The following ZFAT variants were observed in gnomAD, a reference collection of about 807,000 sequenced individuals.
The protein encoded by ZFAT is zinc finger protein ZFAT.
Under a neutral mutation model 117.7 loss-of-function variants are expected in ZFAT, and 64 were observed. That is an observed-to-expected ratio of 0.54 (90% CI 0.44 to 0.67). The LOEUF is 0.67. Among genes scored for constraint, ZFAT ranks in the 30% least tolerant of loss-of-function variants. ZFAT has a pLI of 0.00. For missense variants in ZFAT, 1,433 were observed against 1,584.5 expected, an observed-to-expected ratio of 0.90 and a Z score of 1.62; for synonymous variants, 679 against 615.0, an observed-to-expected ratio of 1.10 and a Z score of -1.54.
intron 12 of ZFAT, among the ~76,000 whole-genome samples, chr8:134,521,666 A>G (rs1246603429): frequency 6.6e-6 from 1 of 152,206 alleles, no homozygotes; most frequent in Non-Finnish European, 1.5e-5. Flanking sequence ...GTCACACAAA[A>G]GAATATCTTT....
chr8:134,529,146 G>A (rs997880976), intron 12 of ZFAT, among the ~76,000 whole-genome samples: 1 of 152,110 alleles, frequency 6.6e-6, no homozygotes, highest in Non-Finnish European at 1.5e-5. Flanking sequence ...TCCCGGCCCA[G>A]GTCCATCTGA....
At chr8:134,599,744 G>A in intron 7 of ZFAT, 1 of 455,802 alleles carries the variant, frequency 2.2e-6, no homozygotes, top group Non-Finnish European at 4.4e-6. Flanking sequence ...GGCCAGATGT[G>A]CTTCCTTTAT....
At chr8:134,712,742 G>GGCCGGCGGCCGGC in intron 1 of ZFAT, 103 bp downstream of exon 1, 1 of 1,176,960 alleles carries the variant, frequency 8.5e-7, no homozygotes, top group African/African-American at 1.7e-5. Context: ...GGCGGCCGGC[G>GGCCGGCGGCCGGC]GCCGGCGCAC....
chr8:134,688,876 G>A (rs1833464841), intron 1 of ZFAT, among the ~76,000 whole-genome samples: 1 of 152,164 alleles, frequency 6.6e-6, no homozygotes, highest in Non-Finnish European at 1.5e-5. Context: ...ATTTGTTCAT[G>A]AGACGTGTCC....
the ZFAT span, chr8:134,766,516 C>G: frequency 6.6e-6 from 1 of 152,184 alleles, no homozygotes; most frequent in Admixed American, 6.5e-5. Context: ...CCAAACCTGT[C>G]TGCCTTTCCA....
chr8:134,555,048 C>T lies in ZFAT; in HGVS notation c.2976+10285G>A, dbSNP rs11987655. On this transcript the variant is annotated intron_variant, in intron 11 of 15. Coordinates refer to ENST00000377838, the MANE Select transcript of ZFAT (RefSeq NM_020863.4). ...ACTCAGTATATAGTCATACTCATGG[C>T]TACAATTTATTATAGTAAAAGAATA... 7.4e-3 allele frequency among the ~76,000 whole-genome samples: 1,130 copies of T among 152,252 alleles called. 25 individuals carry two copies. The highest frequency in any genetic ancestry group is 0.026 in the African/African-American group (1,076 of 41,534).
chr8:134,619,473 C>G (rs945846647), intron 3 of ZFAT, among the ~76,000 whole-genome samples: 1 of 152,124 alleles, frequency 6.6e-6, no homozygotes, highest in South Asian at 2.1e-4. Context: ...ACATCTCACA[C>G]AAACAGTCCC....
intron 1 of ZFAT, among the ~76,000 whole-genome samples, chr8:134,684,749 T>C (rs947501375): frequency 2.0e-5 from 3 of 152,218 alleles, no homozygotes; most frequent in African/African-American, 7.2e-5. Context: ...AAAGGCATTC[T>C]TGGCACAAAA....
chr8:134,565,411 A>C lies in ZFAT; in HGVS notation c.2898T>G (p.Phe966Leu). 1.2e-6 allele frequency: 2 copies of C among 1,612,996 alleles called. No individual in the cohort carries two copies. Among genetic ancestry groups the C allele is most frequent in the Non-Finnish European group, 1.7e-6 (2 of 1,179,624 alleles). The change falls in exon 11 of 16, where the codon TTT (phenylalanine) becomes TTG (leucine). Residue 966 changes from phenylalanine to leucine, a missense_variant. Phe to Leu is a conservative substitution (Grantham distance 22, BLOSUM62 0). Coordinates refer to ENST00000377838, the MANE Select transcript of ZFAT (RefSeq NM_020863.4). Reference protein sequence around the residue: ...KLLHTADGKQFKCTVCDYTAA... With the variant: ...KLLHTADGKQLKCTVCDYTAA... ...CTGTGTAGTCACACACCGTGCACTT[A>C]AACTGCTTCCCTGGAAAGAAGCGGA...
chr8:134,527,938 CAG>C (rs1047351582), intron 12 of ZFAT, among the ~76,000 whole-genome samples: 5 of 152,268 alleles, frequency 3.3e-5, no homozygotes, highest in Admixed American at 2.6e-4. Context: ...AAATAGGTTT[CAG>C]AGTCAGTCTT....
At chr8:134,758,285 A>G in the ZFAT span, among the ~76,000 whole-genome samples, 1 of 152,162 alleles carries the variant, frequency 6.6e-6, no homozygotes, top group Non-Finnish European at 1.5e-5. Flanking sequence ...GAGTGCAGGA[A>G]GAGACCAGGA....
At chr8:134,668,043 G>A (rs963172720) in intron 1 of ZFAT, among the ~76,000 whole-genome samples, 10 of 152,138 alleles carry the variant, frequency 6.6e-5, no homozygotes, top group African/African-American at 1.7e-4. Flanking sequence ...ACTGCAAGGC[G>A]GCACTGAGGC....
At chr8:134,629,697 C>G (rs1427797315) in intron 3 of ZFAT, among the ~76,000 whole-genome samples, 1 of 152,194 alleles carries the variant, frequency 6.6e-6, no homozygotes, top group Non-Finnish European at 1.5e-5. Flanking sequence ...TCCTTGCTTC[C>G]CCTTCAACTT....
chr8:134,578,267 T>C (rs4909296), intron 10 of ZFAT, among the ~76,000 whole-genome samples: 89,694 of 151,334 alleles, frequency 0.59, 27,355 homozygotes, highest in East Asian at 0.89. Flanking sequence ...ACAAATTAGT[T>C]GGGTGTGGTG....
At chr8:134,658,846 G>A (rs1464709585) in intron 1 of ZFAT, among the ~76,000 whole-genome samples, 8 of 152,192 alleles carry the variant, frequency 5.3e-5, no homozygotes, top group Non-Finnish European at 1.2e-4. Context: ...GAAAGCTGAG[G>A]ACCTCAGAGA....
chr8:134,478,555 A>G lies in ZFAT; in HGVS notation c.3659T>C (p.Phe1220Ser). Residue 1220 changes from phenylalanine to serine, a missense_variant, in exon 16 of 16, where the codon TTC becomes TCC. Around this residue, in one of 5 missense-constraint regions of ZFAT, gnomAD observed 503 missense variants for 543.4 expected, o/e 0.93. Coordinates refer to ENST00000377838, the MANE Select transcript of ZFAT (RefSeq NM_020863.4). This position sits in a 1 kb window ranked among gnomAD's most constrained non-coding sequence, Gnocchi z 5.2. ...CATGGCCTCCTGCACGTAGACGATGAACTCCGAGGCCTCCCCGCCCTGCGT... is the reference window on the plus strand; with the variant it reads ...CATGGCCTCCTGCACGTAGACGATGGACTCCGAGGCCTCCCCGCCCTGCGT... The part of the protein sequence containing the change: ...VYTQGGEASE[F>S]IVYVQEAMQP... 6.3e-7 allele frequency: 1 copy of G among 1,594,996 alleles called. No homozygotes were observed. The highest frequency in any genetic ancestry group is 8.5e-7 in the Non-Finnish European group (1 of 1,171,420).
At position 134,662,641 on chromosome 8, in the gene ZFAT, C is replaced by A. The variant is rs144322525; in HGVS notation, c.20-4904G>T. 9.8e-5 allele frequency among the ~76,000 whole-genome samples: 15 copies of A among 152,316 alleles called. No individual in the cohort carries two copies. The East Asian group carries it at 2.5e-3, about 25-fold the overall frequency. ...TGGCCGGCTGGGTGACAATGGCCAC[C>A]GCCAAGCACTGGCTACACTGGACAA... is the stretch of plus-strand genomic sequence containing the variant. On this transcript the variant is annotated intron_variant, in intron 1 of 15. Coordinates refer to ENST00000377838, the MANE Select transcript of ZFAT (RefSeq NM_020863.4).
chr8:134,494,602 T>C (rs1204805207), intron 15 of ZFAT, among the ~76,000 whole-genome samples: 2 of 152,158 alleles, frequency 1.3e-5, no homozygotes, highest in African/African-American at 4.8e-5. Context: ...GCCTTGCTGG[T>C]AACCGAGCAG....
intron 9 of ZFAT, among the ~76,000 whole-genome samples, chr8:134,586,658 C>G (rs1471594209): frequency 1.3e-5 from 2 of 152,244 alleles, no homozygotes; most frequent in African/African-American, 4.8e-5. Context: ...CCAACTGTGA[C>G]CATCGGCTAC....
Sources: gnomAD v4.1 joint callset for allele counts (sites outside exome capture counted in the v4.1 genomes callset) on GRCh38, gnomAD v4.1.1 for gene constraint, gnomAD v4.1.1 regional missense constraint, Gnocchi (gnomAD v3.1) non-coding constraint, MANE v1.5 for transcripts, NCBI Gene and HGNC (gene_info 2026-07-23, HGNC 2026-07-21) for gene names.